Variants in STEAP4 observed in about 807,000 individuals in gnomAD.
The protein encoded by STEAP4 is metalloreductase STEAP4.
STEAP4 carries 36 observed loss-of-function variants against 43.6 expected under a neutral mutation model. That is an observed-to-expected ratio of 0.83 (90% CI 0.63 to 1.09). STEAP4 has a LOEUF of 1.09. Among genes scored for constraint, STEAP4 ranks in the 50% least tolerant of loss-of-function variants. The pLI, the probability that STEAP4 is intolerant of heterozygous loss-of-function variation, is 0.00. For missense variants in STEAP4, 495 were observed against 546.5 expected (o/e 0.91, Z 0.94); for synonymous variants, 191 against 196.7 (o/e 0.97, Z 0.24).
Position 88,272,693 on chromosome 7 carries a change from A to G in STEAP4, c.*6705T>C, listed in dbSNP as rs1852454390. On this transcript the variant is annotated 3_prime_UTR_variant, in exon 5 of 5. Coordinates refer to ENST00000380079, the MANE Select transcript of STEAP4 (RefSeq NM_024636.4). ...TTACAGACATATGCATTGATTTGTA[A>G]TGAACTGGAAAAAAATGAAACAAAA... 6.6e-6 allele frequency: 1 copy of G among 152,220 alleles called. No individual in the cohort carries two copies. Among genetic ancestry groups the G allele is most frequent in the Non-Finnish European group, 1.5e-5 (1 of 68,050 alleles). 9.4% of individuals were successfully genotyped at this position (152,220 alleles called of 1,614,324 possible). A position where few individuals can be genotyped will look rare whatever the true frequency, so the allele number is the denominator to read the frequency against.
chr7:88,273,585 G>A lies in STEAP4; in HGVS notation c.*5813C>T, dbSNP rs1367104418. The A allele has an allele frequency of 6.6e-6, 1 of 152,050 alleles. No individual in the cohort carries two copies. The highest frequency in any genetic ancestry group is 1.5e-5 in the Non-Finnish European group (1 of 68,018). The allele number at this position is 152,050 out of a possible 1,614,324, so 9.4% of individuals were successfully genotyped here. ...AATGAGAAGTGTTATGAAATTTCTTGCATGGGTTACTGGATCTCAAAAACA... is the reference window on the plus strand; with the variant it reads ...AATGAGAAGTGTTATGAAATTTCTTACATGGGTTACTGGATCTCAAAAACA... On this transcript the variant is annotated 3_prime_UTR_variant, in exon 5 of 5. Coordinates refer to ENST00000380079, the MANE Select transcript of STEAP4 (RefSeq NM_024636.4).
chr7:88,293,964 T>TA (rs1159398032), intron 1 of STEAP4, among the ~76,000 whole-genome samples: 2 of 152,128 alleles, frequency 1.3e-5, no homozygotes, highest in Non-Finnish European at 2.9e-5. Flanking sequence ...TCATAAATTT[T>TA]AAAAAATGTA....
In STEAP4 at chr7:88,275,904, C is replaced by T. The variant is rs1852507035; in HGVS notation, c.*3494G>A. On this transcript the variant is annotated 3_prime_UTR_variant, in exon 5 of 5. Coordinates refer to ENST00000380079, the MANE Select transcript of STEAP4 (RefSeq NM_024636.4). ...GGGGCTTTCCATTTGCTTCCAGCTTCCTCCAGGTTGTCAGTCCTCTCTTTA... is the reference window on the plus strand; with the variant it reads ...GGGGCTTTCCATTTGCTTCCAGCTTTCTCCAGGTTGTCAGTCCTCTCTTTA... The T allele has an allele frequency of 1.3e-5, 2 of 152,142 alleles. No homozygotes were observed. Among genetic ancestry groups the T allele is most frequent in the African/African-American group, 2.4e-5 (1 of 41,412 alleles). 9.4% of individuals were successfully genotyped at this position (152,142 alleles called of 1,614,324 possible).
rs1171747153 is a variant in STEAP4 at position 88,271,455 on chromosome 7, G to T, written c.*7943C>A. On this transcript the variant is annotated 3_prime_UTR_variant, in exon 5 of 5. Coordinates refer to ENST00000380079, the MANE Select transcript of STEAP4 (RefSeq NM_024636.4). Reference sequence around the variant, plus strand: ...TTTAAAAACTGAACAGTATATTTTGGACATCTTTCCATATATGTGAAAGAA... The same window carrying T: ...TTTAAAAACTGAACAGTATATTTTGTACATCTTTCCATATATGTGAAAGAA... The T allele has an allele frequency of 6.6e-6, 1 of 152,062 alleles. No homozygotes were observed. The highest frequency in any genetic ancestry group is 1.5e-5 in the Non-Finnish European group (1 of 68,002). 9.4% of individuals were successfully genotyped at this position (152,062 alleles called of 1,614,324 possible). A position where few individuals can be genotyped will look rare whatever the true frequency, so the allele number is the denominator to read the frequency against.
At position 88,282,975 on chromosome 7, in the gene STEAP4, T is replaced by C. The variant is rs1236282181; in HGVS notation, c.650A>G (p.Tyr217Cys). ...SAVLCVFLFF[Y>C]CVIRDVIYPY... Reference sequence around the variant, plus strand: ...GTAGATTACGTCTCTTATAACACAATAGAAAAACAAGAAGACACACAGCAC... The same window carrying C: ...GTAGATTACGTCTCTTATAACACAACAGAAAAACAAGAAGACACACAGCAC... Residue 217 changes from tyrosine to cysteine, a missense_variant, in exon 3 of 5, where the codon TAT becomes TGT. Coordinates refer to ENST00000380079, the MANE Select transcript of STEAP4 (RefSeq NM_024636.4). The C allele has an allele frequency of 3.1e-6, 5 of 1,613,262 alleles. No individual in the cohort carries two copies. The highest frequency in any genetic ancestry group is 2.2e-5 in the East Asian group (1 of 44,858).
rs750496106 is a variant in STEAP4, at chr7:88,283,763, C to T, written c.456+51G>A. ...TTTTGGAATCTTTGAGGCAAGTGCA[C>T]ATTTAATGATTCATGTTTTAAAGAT... On this transcript the variant is annotated intron_variant, in intron 2 of 4. Coordinates refer to ENST00000380079, the MANE Select transcript of STEAP4 (RefSeq NM_024636.4). The T allele has an allele frequency of 5.2e-6, 8 of 1,532,086 alleles. No individual in the cohort carries two copies. In the South Asian group the frequency reaches 9.8e-5, roughly 19 times the overall value. 94.9% of individuals were successfully genotyped at this position (1,532,086 alleles called of 1,614,324 possible).
rs1280779115 is a variant in STEAP4, at chr7:88,296,644, TC to T, written c.-3+10147del. On this transcript the variant is annotated intron_variant, in intron 1 of 4. Coordinates refer to ENST00000380079, the MANE Select transcript of STEAP4 (RefSeq NM_024636.4). ...GGGGGTTCTGCAACTATATCAGTCT[TC>T]TTGTGATTCACAGCATTTGTTTTAA... Among the ~76,000 whole-genome samples, 32 of 152,226 alleles carry T rather than the reference TC, an allele frequency of 2.1e-4. 1 individual carries two copies. The highest frequency in any genetic ancestry group is 3.4e-3 in the Middle Eastern group (1 of 294).
At chr7:88,294,968 G>C (rs753010837) in intron 1 of STEAP4, among the ~76,000 whole-genome samples, 1 of 152,042 alleles carries the variant, frequency 6.6e-6, no homozygotes, top group Non-Finnish European at 1.5e-5. Flanking sequence ...ACACCATTAG[G>C]AGTCTAACTT....
rs1308437503 is a variant in STEAP4, at chr7:88,271,841, CA to C, written c.*7556del. ...CAGCCTCACCCACAGAATGTGTGCT[CA>C]AACATTTGGATTTTTGCCCATCTAC... On this transcript the variant is annotated 3_prime_UTR_variant, in exon 5 of 5. Transcript: ENST00000380079. The C allele has an allele frequency of 1.3e-5, 2 of 152,200 alleles. No individual in the cohort carries two copies. The highest frequency in any genetic ancestry group is 2.9e-5 in the Non-Finnish European group (2 of 68,036). 9.4% of individuals were successfully genotyped at this position (152,200 alleles called of 1,614,324 possible).
At chr7:88,302,089 T>C (rs991884223) in intron 1 of STEAP4, among the ~76,000 whole-genome samples, 2 of 152,170 alleles carry the variant, frequency 1.3e-5, no homozygotes, top group Non-Finnish European at 2.9e-5. Context: ...CCCTGAATGG[T>C]AGGAAGTTAA....
At chr7:88,287,435 C>T (rs1474854495) in intron 1 of STEAP4, among the ~76,000 whole-genome samples, 3 of 152,176 alleles carry the variant, frequency 2.0e-5, no homozygotes, top group African/African-American at 2.4e-5. Flanking sequence ...GCCAATTTAT[C>T]ATGACAGGGG....
chr7:88,272,511 A>G lies in STEAP4; in HGVS notation c.*6887T>C, dbSNP rs1852451314. On this transcript the variant is annotated 3_prime_UTR_variant, in exon 5 of 5. Coordinates refer to ENST00000380079, the MANE Select transcript of STEAP4 (RefSeq NM_024636.4). ...CAAGCCAAGCCAGGTTGTTAGGCCT[A>G]CGTTTGAGCACTGTGCAAAGTGTGG... 6.6e-6 allele frequency: 1 copy of G among 152,196 alleles called. No homozygotes were observed. Among genetic ancestry groups the G allele is most frequent in the Admixed American group, 6.5e-5 (1 of 15,280 alleles). The allele number at this position is 152,196 out of a possible 1,614,324, so 9.4% of individuals were successfully genotyped here. A position where few individuals can be genotyped will look rare whatever the true frequency, so the allele number is the denominator to read the frequency against.
Position 88,283,078 on chromosome 7 carries a change from G to A in STEAP4, c.547C>T (p.Leu183Phe). 2 of 1,612,790 alleles carry A rather than the reference G, an allele frequency of 1.2e-6. No individual in the cohort carries two copies. The highest frequency in any genetic ancestry group is 1.7e-6 in the Non-Finnish European group (2 of 1,179,426). ...TTTTCAATTTCTTTGGCTGCCATGA[G>A]TGATCCTTGATCCATTGGAGTAAGT... is the stretch of plus-strand genomic sequence containing the variant. ...LGLTPMDQGS[L>F]MAAKEIEKYP... The change falls in exon 3 of 5, where the codon CTC (leucine) becomes TTC (phenylalanine). Residue 183 changes from leucine (L) to phenylalanine (F), a missense_variant. Physicochemically the swap from Leu to Phe is conservative, Grantham distance 22. Transcript: ENST00000380079.
At position 88,274,905 on chromosome 7, in the gene STEAP4, C is replaced by A. The variant is rs1852489862; in HGVS notation, c.*4493G>T. On this transcript the variant is annotated 3_prime_UTR_variant, in exon 5 of 5. Coordinates refer to ENST00000380079, the MANE Select transcript of STEAP4 (RefSeq NM_024636.4). The stretch of plus-strand genomic sequence containing the variant: ...ATTATAATTAGCATATAATGAACAG[C>A]TGAGACAGCCAAAGATCACTTTCAT... 6.6e-6 allele frequency: 1 copy of A among 152,166 alleles called. No individual in the cohort carries two copies. The highest frequency in any genetic ancestry group is 2.4e-5 in the African/African-American group (1 of 41,422). 9.4% of individuals were successfully genotyped at this position (152,166 alleles called of 1,614,324 possible). A position where few individuals can be genotyped will look rare whatever the true frequency, so the allele number is the denominator to read the frequency against.
chr7:88,279,396 T>C lies in STEAP4; in HGVS notation c.*2A>G, dbSNP rs776828880. 1 of 1,612,570 alleles carries C rather than the reference T, an allele frequency of 6.2e-7. No individual in the cohort carries two copies. Among genetic ancestry groups the C allele is most frequent in the African/African-American group, 1.3e-5 (1 of 75,016 alleles). On this transcript the variant is annotated 3_prime_UTR_variant, in exon 5 of 5. Transcript: ENST00000380079. ...ATATTGATTTTCCATTCAATGCTTT[T>C]TCTAGTGTTTTGAGTTCCTTTCCCA...
chr7:88,289,834 T>C (rs1203649240), intron 1 of STEAP4, among the ~76,000 whole-genome samples: 2 of 152,254 alleles, frequency 1.3e-5, no homozygotes, highest in Non-Finnish European at 2.9e-5. Flanking sequence ...GAAAATTTCT[T>C]ACTAGCATCT....
At chr7:88,303,495 C>CAAA (rs5885618) in intron 1 of STEAP4, among the ~76,000 whole-genome samples, 2 of 114,362 alleles carry the variant, frequency 1.7e-5, no homozygotes, top group Admixed American at 8.7e-5. Context: ...GACTCAGTCT[C>CAAA]AAAAAAAAAA....
intron 1 of STEAP4, among the ~76,000 whole-genome samples, chr7:88,306,139 G>C (rs1374020798): frequency 2.0e-5 from 3 of 152,184 alleles, no homozygotes; most frequent in Non-Finnish European, 4.4e-5. Flanking sequence ...AAAGTGTTGG[G>C]ATAACAGGCT....
intron 1 of STEAP4, chr7:88,290,280 G>A (rs1852814062): frequency 6.6e-6 from 1 of 151,562 alleles, no homozygotes; most frequent in South Asian, 2.1e-4. Context: ...TTTTTGCTTT[G>A]CCTCTTACCA....
Sources: allele counts gnomAD v4.1 joint callset (sites outside exome capture counted in the v4.1 genomes callset), GRCh38; gene constraint gnomAD v4.1.1; transcripts MANE v1.5; gene names NCBI Gene and HGNC (gene_info 2026-07-23, HGNC 2026-07-21).